Variants in NUP153 observed in about 807,000 individuals in gnomAD.
NUP153 encodes nucleoporin 153.
Under a neutral mutation model 134.6 loss-of-function variants are expected in NUP153, and 27 were observed. That is an observed-to-expected ratio of 0.20 (90% CI 0.15 to 0.28). The LOEUF (loss-of-function observed/expected upper bound fraction) is 0.28. Among genes scored for constraint, NUP153 ranks in the 10% least tolerant of loss-of-function variants. The pLI is 1.00. For missense variants in NUP153, 1,821 were observed against 1,731.3 expected (o/e 1.05, Z -0.92); for synonymous variants, 640 against 623.5 (o/e 1.03, Z -0.40).
Position 17,674,891 on chromosome 6 carries a change from C to A in NUP153, c.852+14G>T. 1.3e-6 allele frequency: 2 copies of A among 1,547,284 alleles called. No homozygotes were observed. The highest frequency in any genetic ancestry group is 1.7e-6 in the Non-Finnish European group (2 of 1,150,888). On this transcript the variant is annotated intron_variant, in intron 5 of 21. Transcript: ENST00000262077. The stretch of plus-strand genomic sequence containing the variant: ...AGAAAAAAAAAGATCATCAACCCTT[C>A]TATTGGAACCTACCTGATAAGGTGT...
chr6:17,698,289 A>G (rs1561913904), intron 1 of NUP153, among the ~76,000 whole-genome samples: 1 of 152,206 alleles, frequency 6.6e-6, no homozygotes, highest in Non-Finnish European at 1.5e-5. Flanking sequence ...TGTTAAATTC[A>G]GATTATTGAA....
intron 11 of NUP153, 118 bp downstream of exon 11, chr6:17,661,535 T>C (rs1767180172): frequency 3.5e-6 from 3 of 862,972 alleles, no homozygotes; most frequent in Middle Eastern, 2.7e-4. Context: ...ACTGATTCAA[T>C]AGCAGATTAA....
intron 17 of NUP153, among the ~76,000 whole-genome samples, chr6:17,631,922 G>C (rs1229397825): frequency 6.6e-6 from 1 of 151,662 alleles, no homozygotes; most frequent in South Asian, 2.1e-4. Context: ...AGCAGAGATC[G>C]GCCACTGCAC....
At chr6:17,661,119 G>C (rs1412079816) in intron 11 of NUP153, among the ~76,000 whole-genome samples, 1 of 152,022 alleles carries the variant, frequency 6.6e-6, no homozygotes, top group Non-Finnish European at 1.5e-5. Context: ...GTTCGACCCA[G>C]CCTGGCCAAC....
Position 17,675,701 on chromosome 6 carries a change from T to A in NUP153, c.404A>T (p.His135Leu). Residue 135 changes from histidine to leucine, a missense_variant, in exon 3 of 22, where the codon CAT becomes CTT. Coordinates refer to ENST00000262077, the MANE Select transcript of NUP153 (RefSeq NM_005124.4). The surrounding 1 kb of genome is among the most constrained non-coding windows in gnomAD (Gnocchi z 4.4). ...GGATTCCAACATGGAAAAATTCAGA[T>A]GGCTCCGATGAAGAGAAGGCCTTGT... ...VLTRPSLHRS[H>L]LNFSMLESPA... The A allele has an allele frequency of 6.2e-7, 1 of 1,614,132 alleles. No homozygotes were observed. The highest frequency in any genetic ancestry group is 8.5e-7 in the Non-Finnish European group (1 of 1,179,984).
At chr6:17,699,580 T>C (rs1048876722) in intron 1 of NUP153, among the ~76,000 whole-genome samples, 3 of 151,984 alleles carry the variant, frequency 2.0e-5, no homozygotes, top group African/African-American at 7.2e-5. Context: ...CTCACGCCTG[T>C]AATCCCAGCA....
rs1382293316 is a variant in NUP153 at position 17,615,998 on chromosome 6, C to T, written c.*99G>A. ...TTCCAAAATTAAAGAAGTCCTTAGG[C>T]AGATCTGACTTCAGATAACCCCAGC... On this transcript the variant is annotated 3_prime_UTR_variant, in exon 22 of 22. Transcript: ENST00000262077. The surrounding 1 kb of genome is among the most constrained non-coding windows in gnomAD (Gnocchi z 5.7). 3.6e-6 allele frequency: 3 copies of T among 835,846 alleles called. No individual in the cohort carries two copies. The highest frequency in any genetic ancestry group is 1.7e-5 in the African/African-American group (1 of 58,126). 51.8% of individuals were successfully genotyped at this position (835,846 alleles called of 1,614,324 possible).
At position 17,624,789 on chromosome 6, in the gene NUP153, T is replaced by C. The variant is rs1490040609; in HGVS notation, c.3946A>G (p.Ser1316Gly). ...GTCTGGTTAGCACCAAATGCTGGAC[T>C]GGCAGATGGTGCTGAGGGTCCAGTT... is the stretch of plus-strand genomic sequence containing the variant. ...FGTGPSAPSA[S>G]PAFGANQTPT... Residue 1316 changes from serine to glycine, a missense_variant, in exon 20 of 22, where the codon AGT (serine) becomes GGT (glycine). Transcript: ENST00000262077. The C allele has an allele frequency of 6.2e-7, 1 of 1,613,852 alleles. No individual in the cohort carries two copies.
intron 14 of NUP153, among the ~76,000 whole-genome samples, chr6:17,640,423 T>C (rs1001592281): frequency 1.1e-4 from 17 of 152,182 alleles, no homozygotes; most frequent in African/African-American, 3.6e-4. Flanking sequence ...CACAACAATT[T>C]ACAAAACTAA....
chr6:17,647,377 C>T (rs1766251107), intron 13 of NUP153, among the ~76,000 whole-genome samples: 1 of 152,092 alleles, frequency 6.6e-6, no homozygotes, highest in African/African-American at 2.4e-5. Flanking sequence ...TTGATTAGGT[C>T]CTAGTCTTTA....
At position 17,615,358 on chromosome 6, in the gene NUP153, ATC is replaced by A. The variant is rs776294850; in HGVS notation, c.*737_*738del. ...ACAAGACTAAACAAACAACAAAAAA[ATC>A]TCTAACACAAAATTCAAATTTCAAG... On this transcript the variant is annotated 3_prime_UTR_variant, in exon 22 of 22. Coordinates refer to ENST00000262077, the MANE Select transcript of NUP153 (RefSeq NM_005124.4). This position sits in a 1 kb window ranked among gnomAD's most constrained non-coding sequence, Gnocchi z 5.7. The A allele has an allele frequency of 3.3e-5, 5 of 152,660 alleles. No individual in the cohort carries two copies. Among genetic ancestry groups the A allele is most frequent in the Non-Finnish European group, 7.3e-5 (5 of 68,042 alleles). The allele number at this position is 152,660 out of a possible 1,614,324, so 9.5% of individuals were successfully genotyped here. A position where few individuals can be genotyped will look rare whatever the true frequency, so the allele number is the denominator to read the frequency against.
intron 1 of NUP153, among the ~76,000 whole-genome samples, chr6:17,696,686 C>T (rs900516469): frequency 3.9e-5 from 6 of 151,936 alleles, no homozygotes; most frequent in Non-Finnish European, 7.4e-5. Flanking sequence ...ACCCGGCAGG[C>T]GGAGCTTGCA....
intron 1 of NUP153, among the ~76,000 whole-genome samples, chr6:17,690,486 T>A (rs760836284): frequency 6.6e-6 from 1 of 152,272 alleles, no homozygotes; most frequent in Non-Finnish European, 1.5e-5. Context: ...TCCTATTATT[T>A]ATAGTAATTA....
chr6:17,674,348 A>G (rs75706996), intron 5 of NUP153, among the ~76,000 whole-genome samples: 1 of 152,152 alleles, frequency 6.6e-6, no homozygotes, highest in Non-Finnish European at 1.5e-5. Flanking sequence ...AAAAAGAATC[A>G]CATTTCTTGA....
chr6:17,698,505 G>T (rs533017085), intron 1 of NUP153, among the ~76,000 whole-genome samples: 1 of 152,124 alleles, frequency 6.6e-6, no homozygotes, highest in South Asian at 2.1e-4. Context: ...TTGGGAGGCC[G>T]AGGTGGGCGG....
chr6:17,624,831 A>G lies in NUP153; in HGVS notation c.3904T>C (p.Ser1302Pro), dbSNP rs1764846355. 6.3e-7 allele frequency: 1 copy of G among 1,589,820 alleles called. No individual in the cohort carries two copies. The highest frequency in any genetic ancestry group is 8.6e-7 in the Non-Finnish European group (1 of 1,165,652). ...GATTTSSSAG[S>P]SFVFGTGPSA... Reference sequence around the variant, plus strand: ...GGTCCAGTTCCAAATACAAAGGAGGATCCTGGAGGCCCAAAGAAACACTTA... The same window carrying G: ...GGTCCAGTTCCAAATACAAAGGAGGGTCCTGGAGGCCCAAAGAAACACTTA... Residue 1302 changes from serine to proline, a missense_variant and splice_region_variant, in exon 20 of 22, where the codon TCC becomes CCC. Transcript: ENST00000262077.
At chr6:17,684,636 G>C (rs1222443960) in intron 2 of NUP153, among the ~76,000 whole-genome samples, 1 of 152,142 alleles carries the variant, frequency 6.6e-6, no homozygotes, top group Non-Finnish European at 1.5e-5. Context: ...TCACAAGTTG[G>C]CTAACTGGTG....
Position 17,675,172 on chromosome 6 carries a change from T to G in NUP153, c.723+57A>C. ...TTGTCTCAGAAAAAAAAAAAAAAAT[T>G]ATAAGCAATAAACACTCAAAACTAA... On this transcript the variant is annotated intron_variant, in intron 4 of 21. Transcript: ENST00000262077. This position sits in a 1 kb window ranked among gnomAD's most constrained non-coding sequence, Gnocchi z 4.4. The G allele has an allele frequency of 6.5e-7, 1 of 1,547,658 alleles. No individual in the cohort carries two copies. The highest frequency in any genetic ancestry group is 1.2e-5 in the South Asian group (1 of 82,366).
chr6:17,651,972 G>C (rs534233049), intron 11 of NUP153: 1 of 570,572 alleles, frequency 1.8e-6, no homozygotes, highest in South Asian at 2.1e-5. Flanking sequence ...GCACATGCCT[G>C]TGGTCCCAGC....
Sources: allele counts gnomAD v4.1 joint callset (sites outside exome capture counted in the v4.1 genomes callset), GRCh38; gene constraint gnomAD v4.1.1; non-coding constraint Gnocchi (gnomAD v3.1); transcripts MANE v1.5; gene names NCBI Gene and HGNC (gene_info 2026-07-23, HGNC 2026-07-21).